The following MGAT4C variants were observed in gnomAD, a reference collection of about 807,000 sequenced individuals.
MGAT4C encodes the protein alpha-1,3-mannosyl-glycoprotein 4-beta-N-acetylglucosaminyltransferase C.
In MGAT4C, 19 loss-of-function variants were observed where a neutral mutation model predicts 40.1. The observed-to-expected ratio is 0.47, with a 90% CI of 0.33 to 0.70. The LOEUF (loss-of-function observed/expected upper bound fraction) is 0.70. Among genes scored for constraint, MGAT4C ranks in the 30% least tolerant of loss-of-function variants. The pLI is 0.02. For synonymous variants in MGAT4C, 181 were observed against 187.1 expected, an observed-to-expected ratio of 0.97 and a Z score of 0.27; for missense variants, 491 against 563.2, an observed-to-expected ratio of 0.87 and a Z score of 1.30.
At chr12:86,355,780 A>C in intron 3 of MGAT4C, among the ~76,000 whole-genome samples, 1 of 152,194 alleles carries the variant, frequency 6.6e-6, no homozygotes, top group East Asian at 1.9e-4. Flanking sequence ...CTAGATAAAT[A>C]TTAACTGAAA....
intron 4 of MGAT4C, among the ~76,000 whole-genome samples, chr12:86,332,411 A>G (rs1486177059): frequency 6.6e-6 from 1 of 151,668 alleles, no homozygotes; most frequent in African/African-American, 2.4e-5. Context: ...GTATTTGCCA[A>G]GTATCTCTCA....
chr12:86,656,708 TG>T (rs1963859212), intron 2 of MGAT4C, among the ~76,000 whole-genome samples: 1 of 152,058 alleles, frequency 6.6e-6, no homozygotes, highest in Non-Finnish European at 1.5e-5. Context: ...TGAAACCTTG[TG>T]TTTTTTTTGT....
intron 2 of MGAT4C, among the ~76,000 whole-genome samples, chr12:86,693,837 T>C (rs1433084974): frequency 2.0e-5 from 3 of 152,302 alleles, no homozygotes; most frequent in African/African-American, 4.8e-5. Context: ...ATGTCTAGCA[T>C]ACAATGCCTA....
intron 2 of MGAT4C, among the ~76,000 whole-genome samples, chr12:86,555,046 T>C (rs1019092213): frequency 3.3e-5 from 5 of 151,980 alleles, no homozygotes; most frequent in Non-Finnish European, 7.4e-5. Context: ...TGTACTTAGA[T>C]AGCCATATTT....
chr12:86,159,151 A>G (rs930312913), intron 1 of MGAT4C, among the ~76,000 whole-genome samples: 1 of 152,096 alleles, frequency 6.6e-6, no homozygotes, highest in South Asian at 2.1e-4. Flanking sequence ...CTCATCCAGT[A>G]TGATGTAGTC....
chr12:86,010,904 C>T (rs1347734209), intron 2 of MGAT4C, among the ~76,000 whole-genome samples: 1 of 152,092 alleles, frequency 6.6e-6, no homozygotes, highest in East Asian at 1.9e-4. Flanking sequence ...TAAAAGTTAG[C>T]TTGACTCTCT....
chr12:86,071,961 G>T (rs1363643437), intron 1 of MGAT4C, among the ~76,000 whole-genome samples: 1 of 151,728 alleles, frequency 6.6e-6, no homozygotes, highest in Non-Finnish European at 1.5e-5. Flanking sequence ...CCAATCTCTT[G>T]CTCTCATTAG....
chr12:86,577,856 T>A (rs1396010635), intron 2 of MGAT4C, among the ~76,000 whole-genome samples: 1 of 151,796 alleles, frequency 6.6e-6, no homozygotes, highest in Non-Finnish European at 1.5e-5. Context: ...AATATGTTTT[T>A]TTATTCATTG....
At chr12:86,579,257 G>T (rs1017613304) in intron 2 of MGAT4C, among the ~76,000 whole-genome samples, 7 of 151,340 alleles carry the variant, frequency 4.6e-5, no homozygotes, top group Non-Finnish European at 8.9e-5. Context: ...TTCCTCTAAT[G>T]AAGGTGATTT....
At chr12:86,154,391 T>C (rs1454894553) in intron 1 of MGAT4C, among the ~76,000 whole-genome samples, 3 of 152,142 alleles carry the variant, frequency 2.0e-5, no homozygotes, top group African/African-American at 7.2e-5. Context: ...TAATTGGGAG[T>C]GGGCTGCCTT....
At chr12:86,482,438 A>C (rs1957953581) in intron 2 of MGAT4C, among the ~76,000 whole-genome samples, 1 of 152,030 alleles carries the variant, frequency 6.6e-6, no homozygotes, top group Admixed American at 6.6e-5. Context: ...ACACATTTTT[A>C]TTTTTAATTA....
chr12:86,038,471 G>A (rs1193759393), intron 2 of MGAT4C, among the ~76,000 whole-genome samples: 1 of 149,690 alleles, frequency 6.7e-6, no homozygotes, highest in African/African-American at 2.4e-5. Context: ...TCTTCCTGTT[G>A]CATTGATCCC....
intron 1 of MGAT4C, among the ~76,000 whole-genome samples, chr12:86,171,228 G>C (rs1476935249): frequency 6.6e-6 from 1 of 152,258 alleles, no homozygotes; most frequent in East Asian, 1.9e-4. Flanking sequence ...AATAAGCTGG[G>C]TGTGGTGGCA....
intron 4 of MGAT4C, among the ~76,000 whole-genome samples, chr12:86,331,879 A>G (rs60555693): frequency 0.11 from 16,667 of 152,182 alleles, 2,263 homozygotes; most frequent in African/African-American, 0.3. Context: ...TATTTATAAT[A>G]GTATTTATAA....
intron 2 of MGAT4C, among the ~76,000 whole-genome samples, chr12:86,588,989 A>G (rs568269263): frequency 6.6e-6 from 1 of 151,122 alleles, no homozygotes; most frequent in African/African-American, 2.4e-5. Context: ...CACAATTAAA[A>G]GAACTAGAAA....
intron 1 of MGAT4C, among the ~76,000 whole-genome samples, chr12:86,760,259 A>G (rs1951378444): frequency 6.6e-6 from 1 of 152,110 alleles, no homozygotes; most frequent in Admixed American, 6.5e-5. Context: ...ACCATATGCA[A>G]AAAAATAACT....
intron 1 of MGAT4C, among the ~76,000 whole-genome samples, chr12:86,076,886 G>A (rs1053413189): frequency 2.6e-5 from 4 of 152,096 alleles, no homozygotes; most frequent in Non-Finnish European, 5.9e-5. Context: ...GAGGAGCAAG[G>A]AGAGCCAGTC....
At chr12:85,982,012 T>C (rs1884651758) in intron 4 of MGAT4C, among the ~76,000 whole-genome samples, 1 of 152,080 alleles carries the variant, frequency 6.6e-6, no homozygotes, top group South Asian at 2.1e-4. Flanking sequence ...TGAAAGGAAA[T>C]GAGATATAAA....
intron 1 of MGAT4C, among the ~76,000 whole-genome samples, chr12:86,059,905 AC>A (rs1165491341): frequency 2.6e-5 from 4 of 152,218 alleles, no homozygotes; most frequent in African/African-American, 9.6e-5. Context: ...ACTGAAACTA[AC>A]CAGAGGAATA....
Sources: gnomAD v4.1 joint callset for allele counts (sites outside exome capture counted in the v4.1 genomes callset) on GRCh38, gnomAD v4.1.1 for gene constraint, MANE v1.5 for transcripts, NCBI Gene and HGNC (gene_info 2026-07-23, HGNC 2026-07-21) for gene names.